The following STAG2 variants were observed in gnomAD, a reference collection of about 807,000 sequenced individuals.
STAG2 encodes the protein cohesin subunit SA-2.
In STAG2, 14 loss-of-function variants were observed where a neutral mutation model predicts 108.1. The ratio of observed to expected loss-of-function variants is 0.13; its 90% CI spans 0.09 to 0.20. The LOEUF (loss-of-function observed/expected upper bound fraction) is 0.20, where lower values mean the gene tolerates loss of function less well. Ranked by LOEUF, STAG2 falls within the 10% of genes least tolerant of loss-of-function variation. STAG2 has a pLI of 1.00. For synonymous variants in STAG2, 307 were observed against 302.7 expected (o/e 1.01, Z -0.15); for missense variants, 440 against 940.9 (o/e 0.47, Z 6.96).
intron 4 of STAG2, among the ~76,000 whole-genome samples, chrX:124,029,011 A>ATATT (rs1556502225): frequency 3.9e-4 from 32 of 82,491 alleles, no homozygotes; most frequent in African/African-American, 1.3e-3. Context: ...ATATATATAT[A>ATATT]TATTTATTTA....
At chrX:123,986,086 T>C (rs1162124151) in intron 1 of STAG2, among the ~76,000 whole-genome samples, 1 of 105,506 alleles carries the variant, frequency 9.5e-6, no homozygotes, top group Non-Finnish European at 1.9e-5. Context: ...TATATACATA[T>C]ATGATATATA....
At chrX:124,011,185 A>C (rs2147919017) in intron 1 of STAG2, among the ~76,000 whole-genome samples, 1 of 111,682 alleles carries the variant, frequency 9.0e-6, no homozygotes, top group African/African-American at 3.2e-5. Context: ...TTGGATTGTT[A>C]GTATATACAA....
At chrX:124,094,457 C>A (rs2059330654) in intron 33 of STAG2, among the ~76,000 whole-genome samples, 2 of 111,203 alleles carry the variant, frequency 1.8e-5, no homozygotes, top group African/African-American at 6.5e-5. Context: ...TTTAATTATG[C>A]ATTTTAAAAA....
chrX:123,973,736 C>T (rs753428029), intron 1 of STAG2, among the ~76,000 whole-genome samples: 3 of 106,389 alleles, frequency 2.8e-5, no homozygotes, highest in African/African-American at 6.9e-5. Context: ...CCCAGCTATT[C>T]GGGAGGCTGA....
intron 1 of STAG2, among the ~76,000 whole-genome samples, chrX:123,985,543 C>G (rs1042220014): frequency 9.0e-6 from 1 of 110,859 alleles, no homozygotes; most frequent in African/African-American, 3.3e-5. Context: ...TAATAATGAT[C>G]CTTTAGGGAG....
At chrX:124,093,313 G>A (rs1209226706) in intron 32 of STAG2, among the ~76,000 whole-genome samples, 2 of 111,059 alleles carry the variant, frequency 1.8e-5, no homozygotes, top group East Asian at 5.6e-4. Context: ...TCTTCCTGAG[G>A]CAGAATTAAT....
intron 30 of STAG2, 64 bp from the exon 31 acceptor site, chrX:124,090,511 T>C: frequency 1.1e-6 from 1 of 924,197 alleles, no homozygotes; most frequent in East Asian, 3.1e-5. Context: ...CCTGAACAGG[T>C]TGTATTAGAC....
rs938918204 is a variant in STAG2 at position 124,022,522 on chromosome X, T to C, written c.-97-9T>C. 3 of 622,217 alleles carry C rather than the reference T, an allele frequency of 4.8e-6. No individual in the cohort carries two copies. The African/African-American group carries it at 7.0e-5, about 15-fold the overall frequency. 51.3% of individuals were successfully genotyped at this position (622,217 alleles called of 1,213,427 possible). ...ATTTGTAATAAATGTCATTTTCTCC[T>C]TTTTAAAGGAATTGTCTTAGAAGAA... On this transcript the variant is annotated splice_polypyrimidine_tract_variant and intron_variant, in intron 2 of 34. Transcript: ENST00000371145.
At position 124,094,154 on chromosome X, in the gene STAG2, T is replaced by G. The variant is rs746825631; in HGVS notation, c.3705+10T>G. ...CATGGATATAGATTTGGTAAGAAAC[T>G]TAATGATTTCTGTAAGATTTTCAGT... On this transcript the variant is annotated intron_variant, in intron 33 of 34. Transcript: ENST00000371145. The G allele has an allele frequency of 1.7e-6, 2 of 1,193,705 alleles. No individual in the cohort carries two copies. The highest frequency in any genetic ancestry group is 6.0e-5 in the East Asian group (2 of 33,543).
At chrX:123,976,551 A>G (rs2054630948) in intron 1 of STAG2, among the ~76,000 whole-genome samples, 1 of 111,291 alleles carries the variant, frequency 9.0e-6, no homozygotes. Context: ...GTAAACCTGC[A>G]TTATAATTGC....
intron 34 of STAG2, 21 bp from the exon 35 acceptor site, chrX:124,100,553 C>T (rs774976232): frequency 1.1e-5 from 13 of 1,175,220 alleles, no homozygotes; most frequent in Non-Finnish European, 1.5e-5. Context: ...GAGATTTTCT[C>T]CCCTCTCTCT....
At chrX:124,039,366 C>T (rs1244849601) in intron 6 of STAG2, among the ~76,000 whole-genome samples, 2 of 109,248 alleles carry the variant, frequency 1.8e-5, no homozygotes, top group African/African-American at 6.6e-5. Context: ...GGGGTTTTGC[C>T]ATGTTGCCCA....
At position 124,025,820 on chromosome X, in the gene STAG2, TTCTTA is replaced by T; in HGVS notation, c.45-15_45-11del. On this transcript the variant is annotated splice_polypyrimidine_tract_variant and intron_variant, in intron 3 of 34. Coordinates refer to ENST00000371145, the MANE Select transcript of STAG2 (RefSeq NM_001042750.2). ...ATAAATTTCTAAGGAAGGGTTTTAA[TTCTTA>T]TCTTTCTGTCACAGGGAGTCAGAAA... The T allele has an allele frequency of 9.1e-7, 1 of 1,093,724 alleles. No homozygotes were observed. The highest frequency in any genetic ancestry group is 1.2e-6 in the Non-Finnish European group (1 of 811,161). 90.1% of individuals were successfully genotyped at this position (1,093,724 alleles called of 1,213,427 possible). A position where few individuals can be genotyped will look rare whatever the true frequency, so the allele number is the denominator to read the frequency against.
chrX:124,072,897 TTTCTTTC>T (rs1169921393), intron 25 of STAG2, among the ~76,000 whole-genome samples: 18 of 93,841 alleles, frequency 1.9e-4, no homozygotes, highest in African/African-American at 6.0e-4. Flanking sequence ...TCTTTCTTTC[TTTCTTTC>T]TTTTTTTTTT....
rs1305062839 is a variant in STAG2, at chrX:124,057,894, G to T, written c.1333G>T (p.Asp445Tyr). Residue 445 changes from aspartate (D) to tyrosine (Y), a missense_variant, in exon 15 of 35, where the codon GAT (aspartate) becomes TAT (tyrosine). Physicochemically the swap from Asp to Tyr is radical, Grantham distance 160. Around this residue, in one of 3 missense-constraint regions of STAG2, gnomAD observed 337 missense variants for 649.3 expected, o/e 0.52. Transcript: ENST00000371145. ...CTTCAGTCGTAGAGATCCAGAGGAG[G>T]ATGGAATGATGAAAAGAAGAGGAAG... Reference protein sequence around the residue: ...KLFSRRDPEEDGMMKRRGRQG... With the variant: ...KLFSRRDPEEYGMMKRRGRQG... 3 of 1,187,495 alleles carry T rather than the reference G, an allele frequency of 2.5e-6. No individual in the cohort carries two copies. The highest frequency in any genetic ancestry group is 3.4e-6 in the Non-Finnish European group (3 of 883,548).
chrX:123,977,743 G>A (rs199432), intron 1 of STAG2, among the ~76,000 whole-genome samples: 6,124 of 109,473 alleles, frequency 0.056, 448 homozygotes, highest in African/African-American at 0.19. Context: ...GGAAACGGAG[G>A]CATAGTGAGC....
chrX:124,036,213 A>G (rs1228882725), intron 5 of STAG2, among the ~76,000 whole-genome samples: 2 of 111,810 alleles, frequency 1.8e-5, no homozygotes, highest in African/African-American at 6.5e-5. Flanking sequence ...TCTTTTTTGT[A>G]CATTAGATTC....
chrX:124,079,007 G>A (rs990543451), intron 27 of STAG2, among the ~76,000 whole-genome samples: 1 of 109,960 alleles, frequency 9.1e-6, no homozygotes, highest in African/African-American at 3.3e-5. Flanking sequence ...TTTCATTTTG[G>A]CAGTGTTGAG....
chrX:124,076,899 T>C (rs975831359), intron 26 of STAG2, among the ~76,000 whole-genome samples: 4 of 110,820 alleles, frequency 3.6e-5, no homozygotes, highest in African/African-American at 9.8e-5. Flanking sequence ...TGTTCCACTG[T>C]GATTGTTAAG....
Sources: gnomAD v4.1 joint callset for allele counts (sites outside exome capture counted in the v4.1 genomes callset) on GRCh38, gnomAD v4.1.1 for gene constraint, gnomAD v4.1.1 regional missense constraint, MANE v1.5 for transcripts, NCBI Gene and HGNC (gene_info 2026-07-23, HGNC 2026-07-21) for gene names.